HECTD3: variants seen among roughly 807,000 people sequenced by gnomAD.
The protein encoded by HECTD3 is HECT domain E3 ubiquitin protein ligase 3, also known as E3 ubiquitin-protein ligase HECTD3.
In HECTD3, 72 loss-of-function variants were observed where a neutral mutation model predicts 109.3. That is an observed-to-expected ratio of 0.66 (90% CI 0.54 to 0.80). The LOEUF is 0.80. Ranked by LOEUF, HECTD3 falls within the 30% of genes least tolerant of loss-of-function variation. The probability of loss-of-function intolerance (pLI) is 0.00; values close to 1 mark genes in which losing one functional copy is unlikely to be tolerated. For missense variants in HECTD3, 1,041 were observed against 1,165.2 expected, an observed-to-expected ratio of 0.89 and a Z score of 1.55; for synonymous variants, 481 against 471.8, an observed-to-expected ratio of 1.02 and a Z score of -0.25.
rs374591685 is a variant in HECTD3 at position 45,009,222 on chromosome 1, G to C, written c.994C>G (p.Leu332Val). ...KLSDVSIDET[L>V]IGDVCVLEDM... ...TCCAGGACACAGACATCCCCGATGAGGGTCCTGAGGAGATGAGTGTGAAGC... is the reference window on the plus strand; with the variant it reads ...TCCAGGACACAGACATCCCCGATGACGGTCCTGAGGAGATGAGTGTGAAGC... Residue 332 changes from leucine (L) to valine (V), a missense_variant, in exon 7 of 21, where the codon CTC (leucine) becomes GTC (valine). Around this residue, in one of 2 missense-constraint regions of HECTD3, gnomAD observed 569 missense variants for 715.3 expected, o/e 0.80. Transcript: ENST00000372172. 6.2e-7 allele frequency: 1 copy of C among 1,613,204 alleles called. No individual in the cohort carries two copies. The highest frequency in any genetic ancestry group is 1.3e-5 in the African/African-American group (1 of 75,012).
chr1:45,007,275 G>A lies in HECTD3; in HGVS notation c.1504-4C>T, dbSNP rs774256907. On this transcript the variant is annotated splice_region_variant and splice_polypyrimidine_tract_variant and intron_variant, in intron 10 of 20. Transcript: ENST00000372172. ...AGGGCTTGAGGCCTTCATATACCTG[G>A]AGGCAAGGAGGAAAGGAGTCATAGG... 4.3e-6 allele frequency: 7 copies of A among 1,612,800 alleles called. No individual in the cohort carries two copies. Among genetic ancestry groups the A allele is most frequent in the African/African-American group, 4.0e-5 (3 of 74,846 alleles).
rs552816272 is a variant in HECTD3 at position 45,003,176 on chromosome 1, T to G, written c.*316A>C. ...TGAAAATGGAGGCAAAGTCCATGGG[T>G]TGGGGACCTAGATGGCCCCCTTCAA... On this transcript the variant is annotated 3_prime_UTR_variant, in exon 21 of 21. Coordinates refer to ENST00000372172, the MANE Select transcript of HECTD3 (RefSeq NM_024602.6). The surrounding 1 kb of genome is among the most constrained non-coding windows in gnomAD (Gnocchi z 4.7). 2.8e-6 allele frequency: 1 copy of G among 356,054 alleles called. No individual in the cohort carries two copies. Among genetic ancestry groups the G allele is most frequent in the Non-Finnish European group, 5.3e-6 (1 of 189,654 alleles). 22.1% of individuals were successfully genotyped at this position (356,054 alleles called of 1,614,324 possible).
intron 2 of HECTD3, 24 bp downstream of exon 2, chr1:45,010,522 G>A (rs1644779341): frequency 6.2e-7 from 1 of 1,612,884 alleles, no homozygotes; most frequent in Non-Finnish European, 8.5e-7. Context: ...CTGACAGCCA[G>A]CCCCGCTCCT....
rs781633161 is a variant in HECTD3, at chr1:45,009,176, G to A, written c.1040C>T (p.Pro347Leu). Residue 347 changes from proline to leucine, a missense_variant, in exon 7 of 21, where the codon CCG becomes CTG. Around this residue, in one of 2 missense-constraint regions of HECTD3, gnomAD observed 569 missense variants for 715.3 expected, o/e 0.80. Transcript: ENST00000372172. ...CTCCACGATGCGGATCTCGATGATC[G>A]GGAGGTGGACGGTCATGTCCTCCAG... is the stretch of plus-strand genomic sequence containing the variant. ...CVLEDMTVHL[P>L]IIEIRIVECR... The A allele has an allele frequency of 3.1e-6, 5 of 1,614,002 alleles. No homozygotes were observed. Among genetic ancestry groups the A allele is most frequent in the South Asian group, 2.2e-5 (2 of 91,074 alleles).
intron 16 of HECTD3, 59 bp downstream of exon 16, chr1:45,004,541 C>T: frequency 1.2e-6 from 2 of 1,604,572 alleles, no homozygotes; most frequent in Non-Finnish European, 1.7e-6. Flanking sequence ...TTCTGGGTCC[C>T]AGGAGCTGGG....
In HECTD3 at chr1:45,011,017, C is replaced by A; in HGVS notation, c.241G>T (p.Ala81Ser). The change falls in exon 1 of 21, where the codon GCC (alanine) becomes TCC (serine). Residue 81 changes from alanine to serine, a missense_variant. By Grantham distance (99) the Ala-to-Ser change is moderately conservative. Around this residue, in one of 2 missense-constraint regions of HECTD3, gnomAD observed 472 missense variants for 449.9 expected, o/e 1.05. Coordinates refer to ENST00000372172, the MANE Select transcript of HECTD3 (RefSeq NM_024602.6). ...AGGGGCCCGGAGCCGGTACCGGGGG[C>A]TGGGCCTGCGGCGCCCACACGCAGC... ...LGLRVGAAGP[A>S]PGTGSGPLRA... is the part of the protein sequence containing the mutation. 1 of 1,432,004 alleles carries A rather than the reference C, an allele frequency of 7.0e-7. No individual in the cohort carries two copies. Among genetic ancestry groups the A allele is most frequent in the South Asian group, 1.4e-5 (1 of 69,218 alleles). 88.7% of individuals were successfully genotyped at this position (1,432,004 alleles called of 1,614,324 possible). A position where few individuals can be genotyped will look rare whatever the true frequency, so the allele number is the denominator to read the frequency against.
chr1:45,009,890 T>C (rs945703017), intron 4 of HECTD3, 96 bp downstream of exon 4: 2 of 1,438,754 alleles, frequency 1.4e-6, no homozygotes, highest in Non-Finnish European at 1.9e-6. Context: ...GGGGACCCTG[T>C]TTTAGTCCTG....
At chr1:45,007,152 GTGTGTT>G (rs1330627543) in intron 11 of HECTD3, 61 bp downstream of exon 11, 2 of 1,124,216 alleles carry the variant, frequency 1.8e-6, no homozygotes, top group Non-Finnish European at 2.6e-6. Flanking sequence ...GTGTGTGTGT[GTGTGTT>G]TGTGTGTGTT....
Position 45,003,440 on chromosome 1 carries a change from A to G in HECTD3, c.*52T>C. On this transcript the variant is annotated 3_prime_UTR_variant, in exon 21 of 21. Transcript: ENST00000372172. This position sits in a 1 kb window ranked among gnomAD's most constrained non-coding sequence, Gnocchi z 4.7. ...AGGGAAGGTGTCTTCGCCCTGGGCAAGGCCAAGAGGGACACGTGCAGTCTT... is the reference window on the plus strand; with the variant it reads ...AGGGAAGGTGTCTTCGCCCTGGGCAGGGCCAAGAGGGACACGTGCAGTCTT... The G allele has an allele frequency of 1.3e-6, 2 of 1,540,120 alleles. No homozygotes were observed. Among genetic ancestry groups the G allele is most frequent in the Non-Finnish European group, 1.8e-6 (2 of 1,113,860 alleles).
rs1465560997 is a variant in HECTD3 at position 45,006,049 on chromosome 1, T to C, written c.1793A>G (p.Tyr598Cys). 3 of 1,614,040 alleles carry C rather than the reference T, an allele frequency of 1.9e-6. No homozygotes were observed. The highest frequency in any genetic ancestry group is 1.7e-5 in the Admixed American group (1 of 59,992). Residue 598 changes from tyrosine (Y) to cysteine (C), a missense_variant, in exon 14 of 21, where the codon TAT becomes TGT. Tyr to Cys is a radical substitution (Grantham distance 194, BLOSUM62 -2). Transcript: ENST00000372172. The surrounding 1 kb of genome is among the most constrained non-coding windows in gnomAD (Gnocchi z 4.7). ...PNPSCRDFAK[Y>C]EWIGQLMGAA... ...CCCCATCAGCTGTCCGATCCATTCA[T>C]ACTTGGCAAAGTCTCGGCAGGAGGG...
intron 8 of HECTD3, 28 bp downstream of exon 8, chr1:45,008,508 G>A (rs1250910240): frequency 1.9e-6 from 3 of 1,606,270 alleles, no homozygotes; most frequent in Non-Finnish European, 2.6e-6. Flanking sequence ...GGGAAGGGAA[G>A]GGCCCATAGG....
At position 45,008,687 on chromosome 1, in the gene HECTD3, C is replaced by T; in HGVS notation, c.1087G>A (p.Val363Ile). ...TTGATCTTGACCCCTCGGAGACGAA[C>T]ATCAATCCCATCATCTGGGGGAAGG... ...IVECRDDGID[V>I]RLRGVKIKSS... is the part of the protein sequence containing the mutation. The change falls in exon 8 of 21, where the codon GTT (valine) becomes ATT (isoleucine). Residue 363 changes from valine (V) to isoleucine (I), a missense_variant. Coordinates refer to ENST00000372172, the MANE Select transcript of HECTD3 (RefSeq NM_024602.6). 1 of 1,613,336 alleles carries T rather than the reference C, an allele frequency of 6.2e-7. No individual in the cohort carries two copies. The highest frequency in any genetic ancestry group is 8.5e-7 in the Non-Finnish European group (1 of 1,179,770).
Position 45,010,711 on chromosome 1 carries a change from C to A in HECTD3, c.370-5G>T. 6.5e-7 allele frequency: 1 copy of A among 1,542,234 alleles called. No individual in the cohort carries two copies. Among genetic ancestry groups the A allele is most frequent in the Non-Finnish European group, 8.7e-7 (1 of 1,149,526 alleles). On this transcript the variant is annotated splice_region_variant and splice_polypyrimidine_tract_variant and intron_variant, in intron 1 of 20. Transcript: ENST00000372172. ...CAGGTGCTCTGCCAGCTGCTCCTGCCGGGACGCGTAGGATGGGGACAGCCG... is the reference window on the plus strand; with the variant it reads ...CAGGTGCTCTGCCAGCTGCTCCTGCAGGGACGCGTAGGATGGGGACAGCCG...
Position 45,005,799 on chromosome 1 carries a change from C to T in HECTD3, c.1930G>A (p.Val644Met). ...TGGTTCCAGGTCCTACTCACCAGCA[C>T]AGAGTCCACAGCTGGGAAGTCCTTG... is the stretch of plus-strand genomic sequence containing the variant. ...WSKDFPAVDS[V>M]LVKLLEVMEG... is the part of the protein sequence containing the mutation. Residue 644 changes from valine (V) to methionine (M), a missense_variant, in exon 15 of 21, where the codon GTG (valine) becomes ATG (methionine). This residue lies in a region of HECTD3 where 569 missense variants were observed against 715.3 expected (regional missense o/e 0.80). Transcript: ENST00000372172. The T allele has an allele frequency of 6.3e-7, 1 of 1,593,198 alleles. No individual in the cohort carries two copies. Among genetic ancestry groups the T allele is most frequent in the Non-Finnish European group, 8.5e-7 (1 of 1,170,300 alleles).
chr1:45,005,584 T>G, intron 15 of HECTD3: 1 of 465,302 alleles, frequency 2.1e-6, no homozygotes, highest in Non-Finnish European at 3.8e-6. Flanking sequence ...AGGGTACAGA[T>G]ACATATATGG....
chr1:45,006,731 G>C lies in HECTD3; in HGVS notation c.1686C>G (p.Thr562=). The C allele has an allele frequency of 6.2e-7, 1 of 1,613,688 alleles. No individual in the cohort carries two copies. Among genetic ancestry groups the C allele is most frequent in the Non-Finnish European group, 8.5e-7 (1 of 1,179,802 alleles). ...GTACAAAGAAGGGCAGGGGCACGGG[G>C]GTATCCGCTGAGCTAGGGCACAGCT... ...SEELCPSSAD[T]PVPLPFFVRT... Residue 562 remains threonine, a synonymous_variant, in exon 13 of 21, where the codon ACC becomes ACG. Coordinates refer to ENST00000372172, the MANE Select transcript of HECTD3 (RefSeq NM_024602.6). This position sits in a 1 kb window ranked among gnomAD's most constrained non-coding sequence, Gnocchi z 4.7.
In HECTD3 at chr1:45,010,728, G is replaced by A. The variant is rs747827386; in HGVS notation, c.370-22C>T. The A allele has an allele frequency of 1.4e-5, 22 of 1,529,476 alleles. No individual in the cohort carries two copies. The South Asian group carries it at 1.8e-4, about 13-fold the overall frequency. 94.7% of individuals were successfully genotyped at this position (1,529,476 alleles called of 1,614,324 possible). ...GCTCCTGCCGGGACGCGTAGGATGG[G>A]GACAGCCGTCAGGGAACTGCCCAGC... On this transcript the variant is annotated intron_variant, in intron 1 of 20. Coordinates refer to ENST00000372172, the MANE Select transcript of HECTD3 (RefSeq NM_024602.6).
Position 45,008,581 on chromosome 1 carries a change from C to A in HECTD3, c.1193G>T (p.Gly398Val), listed in dbSNP as rs753923002. Reference sequence around the variant, plus strand: ...GCGGTACAGTACTTCAGGGTCGGTGCCTTCTAGGCGTGGATATCGCACCAG... The same window carrying A: ...GCGGTACAGTACTTCAGGGTCGGTGACTTCTAGGCGTGGATATCGCACCAG... Reference protein sequence around the residue: ...TSLVRYPRLEGTDPEVLYRRA... With the variant: ...TSLVRYPRLEVTDPEVLYRRA... The change falls in exon 8 of 21, where the codon GGC becomes GTC. Residue 398 changes from glycine to valine, a missense_variant. By Grantham distance (109) the Gly-to-Val change is moderately radical. Around this residue, in one of 2 missense-constraint regions of HECTD3, gnomAD observed 569 missense variants for 715.3 expected, o/e 0.80. Coordinates refer to ENST00000372172, the MANE Select transcript of HECTD3 (RefSeq NM_024602.6). 1 of 1,613,994 alleles carries A rather than the reference C, an allele frequency of 6.2e-7. No homozygotes were observed. Among genetic ancestry groups the A allele is most frequent in the Non-Finnish European group, 8.5e-7 (1 of 1,179,952 alleles).
rs755977433 is a variant in HECTD3 at position 45,010,975 on chromosome 1, T to C, written c.283A>G (p.Ser95Gly). Residue 95 changes from serine to glycine, a missense_variant, in exon 1 of 21, where the codon AGC becomes GGC. Transcript: ENST00000372172. ...GSGPLRAARD[S>G]IELRRGACVR... ...CAGGCGCCGCGCCGGAGCTCAATGC[T>C]GTCGCGGGCGGCGCGGAGGGGCCCG... The C allele has an allele frequency of 6.0e-6, 9 of 1,511,000 alleles. No individual in the cohort carries two copies. The highest frequency in any genetic ancestry group is 2.9e-5 in the African/African-American group (2 of 68,730). The allele number at this position is 1,511,000 out of a possible 1,614,324, so 93.6% of individuals were successfully genotyped here.
Sources: allele counts gnomAD v4.1 joint callset, GRCh38; gene constraint gnomAD v4.1.1; regional missense constraint gnomAD v4.1.1; non-coding constraint Gnocchi (gnomAD v3.1); transcripts MANE v1.5; gene names NCBI Gene and HGNC (gene_info 2026-07-23, HGNC 2026-07-21).